Variants in DSG4 observed in about 807,000 individuals in gnomAD.
DSG4 encodes desmoglein-4.
A neutral mutation model predicts 93.1 loss-of-function variants in DSG4; 87 were observed. That is an observed-to-expected ratio of 0.93 (90% CI 0.79 to 1.12). The LOEUF is 1.12. Ranked by LOEUF, DSG4 falls within the 50% of genes most tolerant of loss-of-function variation. DSG4 has a pLI of 0.00. For missense variants in DSG4, 1,373 were observed against 1,285.7 expected (o/e 1.07, Z -1.04); for synonymous variants, 432 against 452.9 (o/e 0.95, Z 0.59).
chr18:31,393,369 T>G (rs2072270472), intron 8 of DSG4, among the ~76,000 whole-genome samples: 1 of 152,172 alleles, frequency 6.6e-6, no homozygotes, highest in African/African-American at 2.4e-5. Context: ...GAGGTTCAGT[T>G]GAATCACCAT....
intron 8 of DSG4, among the ~76,000 whole-genome samples, chr18:31,394,339 A>T (rs1568065716): frequency 6.6e-6 from 1 of 152,216 alleles, no homozygotes; most frequent in Non-Finnish European, 1.5e-5. Context: ...GCACTTTGGG[A>T]GGCCAAGGCG....
At chr18:31,405,957 CT>C in intron 11 of DSG4, 119 bp from the exon 12 acceptor site, 1 of 1,065,526 alleles carries the variant, frequency 9.4e-7, no homozygotes, top group Admixed American at 2.0e-5. Flanking sequence ...TGCTTTATGA[CT>C]AAGAAAGCAT....
intron 12 of DSG4, 42 bp from the exon 13 acceptor site, chr18:31,409,410 G>A (rs775701064): frequency 7.4e-6 from 12 of 1,613,104 alleles, no homozygotes; most frequent in African/African-American, 6.7e-5. Context: ...TTCCTAAACC[G>A]AGCAATGTGT....
chr18:31,413,486 A>G lies in DSG4; in HGVS notation c.3014A>G (p.Gln1005Arg). 1.9e-6 allele frequency: 3 copies of G among 1,612,390 alleles called. No individual in the cohort carries two copies. The highest frequency in any genetic ancestry group is 2.5e-6 in the Non-Finnish European group (3 of 1,178,662). The change falls in exon 16 of 16, where the codon CAA (glutamine) becomes CGA (arginine). Residue 1005 changes from glutamine to arginine, a missense_variant. Transcript: ENST00000308128. ...GTAGGGCCAGAAATTCAAGTGATGCAAATGATGAGTCCAGACCTTCCCATA... is the reference window on the plus strand; with the variant it reads ...GTAGGGCCAGAAATTCAAGTGATGCGAATGATGAGTCCAGACCTTCCCATA... ...ILVGPEIQVMQMMSPDLPIGQ... is the reference protein window; with the variant it reads ...ILVGPEIQVMRMMSPDLPIGQ...
rs142062862 is a variant in DSG4 at position 31,395,839 on chromosome 18, G to A, written c.1006-3433G>A. ...AACGGGGTGAAACCAAGTCTCTAGC[G>A]AAAGATGGGTGTGGGGCGGTCACCT... is the stretch of plus-strand genomic sequence containing the variant. On this transcript the variant is annotated intron_variant, in intron 8 of 15. Transcript: ENST00000308128. 5.9e-3 allele frequency among the ~76,000 whole-genome samples: 893 copies of A among 152,230 alleles called. 8 individuals carry two copies. The highest frequency in any genetic ancestry group is 0.02 in the African/African-American group (844 of 41,536).
Position 31,413,337 on chromosome 18 carries a change from G to T in DSG4, c.2865G>T (p.Glu955Asp), listed in dbSNP as rs140503628. The change falls in exon 16 of 16, where the codon GAG becomes GAT. Residue 955 changes from glutamate to aspartate, a missense_variant. By Grantham distance (45) the Glu-to-Asp change is conservative. Transcript: ENST00000308128. The stretch of plus-strand genomic sequence containing the variant: ...AAGGGAATATTTGTGTACCTGCTGA[G>T]TTAGCAGATTACAACAATGTAATCT... Reference protein sequence around the residue: ...DIQGNICVPAELADYNNVIYA... With the variant: ...DIQGNICVPADLADYNNVIYA... 14 of 1,614,064 alleles carry T rather than the reference G, an allele frequency of 8.7e-6. No homozygotes were observed. Among genetic ancestry groups the T allele is most frequent in the Non-Finnish European group, 1.2e-5 (14 of 1,180,048 alleles).
Position 31,406,298 on chromosome 18 carries a change from C to G in DSG4, c.1858C>G (p.Gln620Glu). 4.3e-6 allele frequency: 7 copies of G among 1,614,188 alleles called. No homozygotes were observed. The highest frequency in any genetic ancestry group is 5.9e-6 in the Non-Finnish European group (7 of 1,180,026). ...CACGTATGGGCCTGTCACTGAAGACCAAGCTGGAGTTTCAAATGTTGGTCT... is the reference window on the plus strand; with the variant it reads ...CACGTATGGGCCTGTCACTGAAGACGAAGCTGGAGTTTCAAATGTTGGTCT... ...GDTYGPVTED[Q>E]AGVSNVGLGP... Residue 620 changes from glutamine to glutamate, a missense_variant, in exon 12 of 16, where the codon CAA (glutamine) becomes GAA (glutamate). Coordinates refer to ENST00000308128, the MANE Select transcript of DSG4 (RefSeq NM_177986.5).
chr18:31,388,235 G>T (rs1392344439), intron 3 of DSG4, 132 bp from the exon 4 acceptor site: 4 of 1,001,322 alleles, frequency 4.0e-6, no homozygotes, highest in Non-Finnish European at 6.0e-6. Context: ...GGGTCACACA[G>T]GACTAAGTCA....
rs1227854549 is a variant in DSG4 at position 31,388,582 on chromosome 18, A to C, written c.372+60A>C. 5.0e-6 allele frequency: 8 copies of C among 1,595,154 alleles called. No individual in the cohort carries two copies. In the African/African-American group the frequency reaches 6.7e-5, roughly 13 times the overall value. On this transcript the variant is annotated intron_variant, in intron 4 of 15. Transcript: ENST00000308128. ...TTAGTTTTCTTCCCTTTTTCAAAAA[A>C]TATTATCTTAAGATAATGGATTACT...
chr18:31,402,082 C>T (rs2072374277), intron 10 of DSG4, among the ~76,000 whole-genome samples: 1 of 152,158 alleles, frequency 6.6e-6, no homozygotes, highest in African/African-American at 2.4e-5. Context: ...TGTGAAAAAT[C>T]TTCAAATGCT....
At chr18:31,406,923 G>A (rs752328750) in intron 12 of DSG4, among the ~76,000 whole-genome samples, 7 of 151,782 alleles carry the variant, frequency 4.6e-5, no homozygotes, top group African/African-American at 7.3e-5. Flanking sequence ...GACTACAGGC[G>A]CCCACCACCA....
chr18:31,411,952 A>G (rs940246490), intron 15 of DSG4, among the ~76,000 whole-genome samples: 1 of 152,206 alleles, frequency 6.6e-6, no homozygotes, highest in Non-Finnish European at 1.5e-5. Flanking sequence ...TAGCTCTCCT[A>G]TTCTCAGTCC....
chr18:31,378,048 C>G (rs910314001), intron 1 of DSG4, among the ~76,000 whole-genome samples: 8 of 152,204 alleles, frequency 5.3e-5, no homozygotes, highest in Admixed American at 2.0e-4. Flanking sequence ...CATTTCTAAA[C>G]TTCAAGAGCA....
At position 31,392,144 on chromosome 18, in the gene DSG4, T is replaced by C; in HGVS notation, c.820-11T>C. On this transcript the variant is annotated splice_polypyrimidine_tract_variant and intron_variant, in intron 7 of 15. Transcript: ENST00000308128. ...AATTCATTGACTACAAAATTGATCC[T>C]TGCATTTTAGTACTCAGCCAGTATT... The C allele has an allele frequency of 6.2e-7, 1 of 1,613,278 alleles. No homozygotes were observed. Among genetic ancestry groups the C allele is most frequent in the Non-Finnish European group, 8.5e-7 (1 of 1,179,462 alleles).
Position 31,414,019 on chromosome 18 carries a change from A to T in DSG4, c.*424A>T, listed in dbSNP as rs1204305771. The T allele has an allele frequency of 6.1e-6, 1 of 162,728 alleles. No homozygotes were observed. The highest frequency in any genetic ancestry group is 1.7e-4 in the South Asian group (1 of 6,014). 10.1% of individuals were successfully genotyped at this position (162,728 alleles called of 1,614,324 possible). On this transcript the variant is annotated 3_prime_UTR_variant, in exon 16 of 16. Transcript: ENST00000308128. ...GGAAATATTTATATTAAAATTTTTA[A>T]TTGAAAAGTTGAATGAAATGTACAT...
chr18:31,407,316 G>T (rs185742349), intron 12 of DSG4, among the ~76,000 whole-genome samples: 1 of 152,202 alleles, frequency 6.6e-6, no homozygotes, highest in Non-Finnish European at 1.5e-5. Context: ...GCTGATGAGC[G>T]CAGGTGACCC....
chr18:31,401,957 C>A (rs966194278), intron 10 of DSG4, among the ~76,000 whole-genome samples: 5 of 152,158 alleles, frequency 3.3e-5, no homozygotes, highest in African/African-American at 1.2e-4. Context: ...ATTTTAACGC[C>A]TGGGTCAGTT....
At position 31,411,323 on chromosome 18, in the gene DSG4, C is replaced by T; in HGVS notation, c.2230C>T (p.Leu744Phe). The T allele has an allele frequency of 6.2e-7, 1 of 1,611,580 alleles. No homozygotes were observed. ...CACAGGTATGGGGACAGCCGTTGGC[C>T]TCATGGCCGCAGGGGCCGCAGGAGC... ...LNTGMGTAVG[L>F]MAAGAAGASG... The change falls in exon 15 of 16, where the codon CTC (leucine) becomes TTC (phenylalanine). Residue 744 changes from leucine (L) to phenylalanine (F), a missense_variant. By Grantham distance (22) the Leu-to-Phe change is conservative (BLOSUM62 0). Coordinates refer to ENST00000308128, the MANE Select transcript of DSG4 (RefSeq NM_177986.5).
chr18:31,398,270 A>G (rs1307912912), intron 8 of DSG4, among the ~76,000 whole-genome samples: 1 of 152,172 alleles, frequency 6.6e-6, no homozygotes, highest in Non-Finnish European at 1.5e-5. Flanking sequence ...AGGAATCAAA[A>G]TCTCAAACCT....
Sources: gnomAD v4.1 joint callset for allele counts (sites outside exome capture counted in the v4.1 genomes callset) on GRCh38, gnomAD v4.1.1 for gene constraint, MANE v1.5 for transcripts, NCBI Gene and HGNC (gene_info 2026-07-23, HGNC 2026-07-21) for gene names.